The following TTC28 variants were observed in gnomAD, a reference collection of about 807,000 sequenced individuals.
TTC28 encodes tetratricopeptide repeat protein 28.
TTC28 carries 61 observed loss-of-function variants against 198.0 expected under a neutral mutation model. That is an observed-to-expected ratio of 0.31 (90% CI 0.25 to 0.38). TTC28 has a LOEUF of 0.38. Among genes scored for constraint, TTC28 ranks in the 10% least tolerant of loss-of-function variants. The probability of loss-of-function intolerance (pLI) is 1.00; values close to 1 mark genes in which losing one functional copy is unlikely to be tolerated. For missense variants in TTC28, 2,678 were observed against 3,164.0 expected (o/e 0.85, Z 3.69); for synonymous variants, 1,171 against 1,297.8 (o/e 0.90, Z 2.10).
At chr22:28,268,395 T>G (rs914297992) in intron 5 of TTC28, among the ~76,000 whole-genome samples, 1 of 152,204 alleles carries the variant, frequency 6.6e-6, no homozygotes, top group Non-Finnish European at 1.5e-5. Flanking sequence ...AAAGACTGAT[T>G]CATGAGGTTA....
At chr22:28,489,500 A>G (rs1211914539) in intron 2 of TTC28, among the ~76,000 whole-genome samples, 2 of 152,186 alleles carry the variant, frequency 1.3e-5, no homozygotes, top group Admixed American at 6.5e-5. Flanking sequence ...AAATTTTTTC[A>G]AAATTAATCA....
rs1460586164 is a variant in TTC28, at chr22:27,998,391, ACT to A, written c.5119+147_5119+148del. ...GAAAAACTCATTTGGCAGAAGCAAGACTCAGCACACAGGCTCTCTCCCTGAGT... is the reference window on the plus strand; with the variant it reads ...GAAAAACTCATTTGGCAGAAGCAAGACAGCACACAGGCTCTCTCCCTGAGT... On this transcript the variant is annotated intron_variant, in intron 16 of 22. Transcript: ENST00000397906. The A allele has an allele frequency of 3.8e-6, 5 of 1,302,088 alleles. No individual in the cohort carries two copies. The Admixed American group carries it at 1.4e-4, about 37-fold the overall frequency. 80.7% of individuals were successfully genotyped at this position (1,302,088 alleles called of 1,614,324 possible). A position where few individuals can be genotyped will look rare whatever the true frequency, so the allele number is the denominator to read the frequency against.
intron 13 of TTC28, chr22:28,028,859 G>A: frequency 2.6e-6 from 1 of 386,394 alleles, no homozygotes; most frequent in South Asian, 1.9e-5. Context: ...CAGGAACCCT[G>A]CAGGGTAAGA....
intron 5 of TTC28, among the ~76,000 whole-genome samples, chr22:28,190,919 A>G (rs949138678): frequency 1.3e-5 from 2 of 151,956 alleles, no homozygotes; most frequent in South Asian, 2.1e-4. Flanking sequence ...CCATTCTTCT[A>G]TTCTACTAAT....
chr22:28,630,619 T>C (rs1048994487), intron 1 of TTC28, among the ~76,000 whole-genome samples: 2 of 152,080 alleles, frequency 1.3e-5, no homozygotes, highest in Non-Finnish European at 2.9e-5. Flanking sequence ...CCTGGCCAAA[T>C]ATTCCTTTAT....
rs556802780 is a variant in TTC28, at chr22:28,271,588, A to G, written c.933+24610T>C. Among the ~76,000 whole-genome samples, 7 of 152,150 alleles carry G rather than the reference A, an allele frequency of 4.6e-5. No homozygotes were observed. In the East Asian group the frequency reaches 1.4e-3, roughly 30 times the overall value. On this transcript the variant is annotated intron_variant, in intron 5 of 22. Transcript: ENST00000397906. Reference sequence around the variant, plus strand: ...GTTTTCCCCACACTGTTCTTGTGATAGTGAATAAGCCTAACGAGATCTGGT... The same window carrying G: ...GTTTTCCCCACACTGTTCTTGTGATGGTGAATAAGCCTAACGAGATCTGGT...
At chr22:28,635,509 T>C (rs2051255166) in intron 1 of TTC28, among the ~76,000 whole-genome samples, 1 of 152,176 alleles carries the variant, frequency 6.6e-6, no homozygotes, top group African/African-American at 2.4e-5. Flanking sequence ...TATATTAACA[T>C]TGCTGATATT....
intron 2 of TTC28, among the ~76,000 whole-genome samples, chr22:28,530,207 G>A (rs1437518899): frequency 6.6e-6 from 1 of 152,190 alleles, no homozygotes; most frequent in African/African-American, 2.4e-5. Context: ...GCGTAGAGAA[G>A]ATGTTAAATG....
intron 2 of TTC28, among the ~76,000 whole-genome samples, chr22:28,348,449 C>A (rs1250512157): frequency 6.6e-6 from 1 of 152,134 alleles, no homozygotes; most frequent in Non-Finnish European, 1.5e-5. Flanking sequence ...CTGGGGCGTT[C>A]CAAGATAAGC....
chr22:28,321,946 C>T (rs1422427019), intron 2 of TTC28, among the ~76,000 whole-genome samples: 1 of 152,146 alleles, frequency 6.6e-6, no homozygotes, highest in Non-Finnish European at 1.5e-5. Context: ...ATTCTCCTGC[C>T]TCAGCTTCCT....
intron 12 of TTC28, among the ~76,000 whole-genome samples, chr22:28,092,228 T>A (rs1440910425): frequency 6.6e-6 from 1 of 152,212 alleles, no homozygotes; most frequent in Non-Finnish European, 1.5e-5. Flanking sequence ...AGGCAAACCC[T>A]CTTTGGGCAT....
In TTC28 at chr22:28,211,524, A is replaced by G. The variant is rs536417681; in HGVS notation, c.934-47925T>C. 9.2e-5 allele frequency among the ~76,000 whole-genome samples: 14 copies of G among 152,326 alleles called. No individual in the cohort carries two copies. The South Asian group carries it at 2.5e-3, about 27-fold the overall frequency. On this transcript the variant is annotated intron_variant, in intron 5 of 22. Transcript: ENST00000397906. ...AGACTTTAAATAAACAAGGATCAAAAGAGACAAAGAAGGCCATTACATATT... is the reference window on the plus strand; with the variant it reads ...AGACTTTAAATAAACAAGGATCAAAGGAGACAAAGAAGGCCATTACATATT...
At chr22:28,073,842 C>G (rs564052720) in intron 12 of TTC28, among the ~76,000 whole-genome samples, 1 of 152,288 alleles carries the variant, frequency 6.6e-6, no homozygotes, top group Admixed American at 6.5e-5. Flanking sequence ...CTGACTTAAG[C>G]TTAACGGGCA....
chr22:28,277,300 A>C (rs1312282058), intron 5 of TTC28, among the ~76,000 whole-genome samples: 2 of 152,234 alleles, frequency 1.3e-5, no homozygotes, highest in East Asian at 3.8e-4. Context: ...TATATGTTGC[A>C]TGGTAATTAG....
chr22:28,142,500 T>C (rs1174080571), intron 6 of TTC28, among the ~76,000 whole-genome samples: 1 of 152,226 alleles, frequency 6.6e-6, no homozygotes, highest in African/African-American at 2.4e-5. Context: ...TGAAATGACT[T>C]GTAAACCACA....
intron 2 of TTC28, among the ~76,000 whole-genome samples, chr22:28,440,769 C>T (rs2047607429): frequency 6.6e-6 from 1 of 152,188 alleles, no homozygotes. Flanking sequence ...ATGATCTGAT[C>T]ATGTGAGTAT....
intron 2 of TTC28, among the ~76,000 whole-genome samples, chr22:28,308,729 AC>A (rs2045194427): frequency 1.3e-5 from 2 of 152,160 alleles, no homozygotes; most frequent in African/African-American, 4.8e-5. Context: ...GTAAGACTGG[AC>A]CATGCCTCCC....
In TTC28 at chr22:27,983,788, G is replaced by A. The variant is rs1267416498; in HGVS notation, c.5879C>T (p.Ser1960Phe). 3.9e-6 allele frequency: 6 copies of A among 1,551,628 alleles called. No homozygotes were observed. The highest frequency in any genetic ancestry group is 5.2e-6 in the Non-Finnish European group (6 of 1,147,010). Residue 1960 changes from serine (S) to phenylalanine (F), a missense_variant, in exon 23 of 23, where the codon TCT (serine) becomes TTT (phenylalanine). Coordinates refer to ENST00000397906, the MANE Select transcript of TTC28 (RefSeq NM_001145418.2). ...CAGGGCGTTGGAAACAGACTGAGCA[G>A]AAGCAAGAGACTCGAGGGAGGAGGA... ...DSSSSLESLA[S>F]AQSVSNALPL... is the part of the protein sequence containing the mutation.
At chr22:28,069,369 T>C (rs1049140879) in intron 12 of TTC28, among the ~76,000 whole-genome samples, 1 of 152,140 alleles carries the variant, frequency 6.6e-6, no homozygotes. Context: ...GTTGCAAACA[T>C]CTCGTGAGTT....
Sources: gnomAD v4.1 joint callset for allele counts (sites outside exome capture counted in the v4.1 genomes callset) on GRCh38, gnomAD v4.1.1 for gene constraint, MANE v1.5 for transcripts, NCBI Gene and HGNC (gene_info 2026-07-23, HGNC 2026-07-21) for gene names.